The following PRR16 variants were observed in gnomAD, a reference collection of about 807,000 sequenced individuals.
The protein encoded by PRR16 is protein Largen.
Under a neutral mutation model 18.2 loss-of-function variants are expected in PRR16, and 6 were observed. The ratio of observed to expected loss-of-function variants is 0.33; its 90% confidence interval spans 0.18 to 0.65. PRR16 has a LOEUF of 0.65. Among genes scored for constraint, PRR16 ranks in the 30% least tolerant of loss-of-function variants. The pLI, the probability that PRR16 is intolerant of heterozygous loss-of-function variation, is 0.74. For synonymous variants in PRR16, 151 were observed against 147.8 expected (o/e 1.02, Z -0.16); for missense variants, 412 against 376.6 (o/e 1.09, Z -0.78).
In PRR16 at chr5:120,575,209, A is replaced by G. The variant is rs184757022; in HGVS notation, c.159+110564A>G. On this transcript the variant is annotated intron_variant, in intron 1 of 1. Coordinates refer to ENST00000407149, the MANE Select transcript of PRR16 (RefSeq NM_001300783.2). ...CCATTGGGGATCTTGGAACATGGAT[A>G]AATGAGGACTGATGTATTTACCAGA... is the stretch of plus-strand genomic sequence containing the variant. Among the ~76,000 whole-genome samples the G allele has an allele frequency of 3.7e-4, 56 of 152,208 alleles. 1 individual carries two copies. In the East Asian group the frequency reaches 9.7e-3, roughly 26 times the overall value.
intron 1 of PRR16, among the ~76,000 whole-genome samples, chr5:120,486,933 G>A (rs1749823153): frequency 6.6e-6 from 1 of 152,142 alleles, no homozygotes; most frequent in Non-Finnish European, 1.5e-5. Context: ...TTTTTGTCAG[G>A]TTTGTCAAAG....
At chr5:120,573,919 C>A (rs930958582) in intron 1 of PRR16, among the ~76,000 whole-genome samples, 4 of 136,372 alleles carry the variant, frequency 2.9e-5, no homozygotes, top group Non-Finnish European at 6.5e-5. Flanking sequence ...ATATATATAT[C>A]AAACACCATT....
intron 1 of PRR16, among the ~76,000 whole-genome samples, chr5:120,538,316 C>T (rs904776646): frequency 6.6e-6 from 1 of 152,164 alleles, no homozygotes; most frequent in African/African-American, 2.4e-5. Context: ...TTAAGGGAAG[C>T]TCTTGAGAAA....
At chr5:120,568,706 T>TAATAA in intron 1 of PRR16, among the ~76,000 whole-genome samples, 1 of 152,184 alleles carries the variant, frequency 6.6e-6, no homozygotes, top group Non-Finnish European at 1.5e-5. Context: ...TACACATTCT[T>TAATAA]TGGTAATTAT....
the PRR16 span, among the ~76,000 whole-genome samples, chr5:120,783,201 C>CACATT: frequency 6.6e-6 from 1 of 152,176 alleles, no homozygotes; most frequent in Non-Finnish European, 1.5e-5. Flanking sequence ...TCATTTTCTT[C>CACATT]ACATTACAAT....
At chr5:120,577,500 T>G (rs1315661456) in intron 1 of PRR16, among the ~76,000 whole-genome samples, 1 of 151,940 alleles carries the variant, frequency 6.6e-6, no homozygotes, top group Non-Finnish European at 1.5e-5. Context: ...GATTTCTTCT[T>G]TTTTGTAACA....
chr5:120,784,828 CTCTCT>C, the PRR16 span, among the ~76,000 whole-genome samples: 1 of 152,120 alleles, frequency 6.6e-6, no homozygotes, highest in Admixed American at 6.5e-5. Flanking sequence ...ATTCAAAATT[CTCTCT>C]TCTCTTAGAA....
At chr5:120,683,442 C>T (rs1276259376) in intron 1 of PRR16, among the ~76,000 whole-genome samples, 2 of 145,290 alleles carry the variant, frequency 1.4e-5, no homozygotes, top group Admixed American at 7.1e-5. Context: ...ATGGAGGTTG[C>T]GGTGAGCTGA....
At chr5:120,711,626 T>A in the PRR16 span, among the ~76,000 whole-genome samples, 2 of 152,198 alleles carry the variant, frequency 1.3e-5, no homozygotes, top group East Asian at 3.9e-4. Flanking sequence ...TATAGATACA[T>A]CTCTCTTGGA....
At chr5:120,647,852 G>A (rs1755649631) in intron 1 of PRR16, among the ~76,000 whole-genome samples, 2 of 152,022 alleles carry the variant, frequency 1.3e-5, no homozygotes, top group Admixed American at 1.3e-4. Flanking sequence ...AAAACTGCCA[G>A]TTTACATAAT....
At chr5:120,486,506 C>T (rs9687538) in intron 1 of PRR16, among the ~76,000 whole-genome samples, 41,645 of 150,802 alleles carry the variant, frequency 0.28, 6,773 homozygotes, top group African/African-American at 0.45. Flanking sequence ...TGTTTTTTTC[C>T]TGTAAATTTG....
At chr5:120,714,602 C>G in the PRR16 span, among the ~76,000 whole-genome samples, 1 of 151,894 alleles carries the variant, frequency 6.6e-6, no homozygotes, top group Admixed American at 6.6e-5. Context: ...GATCTAGAAC[C>G]AAAAAATGCT....
chr5:120,464,904 G>A (rs1256272561), intron 1 of PRR16, among the ~76,000 whole-genome samples: 1 of 152,052 alleles, frequency 6.6e-6, no homozygotes, highest in African/African-American at 2.4e-5. Flanking sequence ...GAACGCACGC[G>A]TGTCTCTGAA....
intron 1 of PRR16, among the ~76,000 whole-genome samples, chr5:120,547,200 T>TATGC (rs1752101302): frequency 6.6e-6 from 1 of 152,026 alleles, no homozygotes; most frequent in South Asian, 2.1e-4. Context: ...CCTACTCCAA[T>TATGC]TAGCATGCTC....
At chr5:120,495,583 T>C (rs1215489014) in intron 1 of PRR16, among the ~76,000 whole-genome samples, 1 of 152,138 alleles carries the variant, frequency 6.6e-6, no homozygotes, top group Non-Finnish European at 1.5e-5. Context: ...TCCATAAATA[T>C]TTTCCATTCA....
At chr5:120,738,268 T>C in the PRR16 span, among the ~76,000 whole-genome samples, 1 of 152,128 alleles carries the variant, frequency 6.6e-6, no homozygotes, top group Non-Finnish European at 1.5e-5. Context: ...TGTAAGCTAA[T>C]CTTCTCTTTG....
At chr5:120,507,228 C>G (rs1750675587) in intron 1 of PRR16, among the ~76,000 whole-genome samples, 1 of 152,088 alleles carries the variant, frequency 6.6e-6, no homozygotes, top group African/African-American at 2.4e-5. Flanking sequence ...TAATACCTTG[C>G]ATCTACAATA....
chr5:120,521,605 T>A (rs2112652798), intron 1 of PRR16, among the ~76,000 whole-genome samples: 1 of 152,286 alleles, frequency 6.6e-6, no homozygotes, highest in African/African-American at 2.4e-5. Flanking sequence ...ATCAGGGTAA[T>A]TATCATATGT....
chr5:120,518,646 T>C (rs1751075265), intron 1 of PRR16, among the ~76,000 whole-genome samples: 1 of 152,078 alleles, frequency 6.6e-6, no homozygotes, highest in Non-Finnish European at 1.5e-5. Flanking sequence ...TTCCTGGACA[T>C]GTGGCCTTCT....
Sources: gnomAD v4.1 joint callset for allele counts (sites outside exome capture counted in the v4.1 genomes callset) on GRCh38, gnomAD v4.1.1 for gene constraint, MANE v1.5 for transcripts, NCBI Gene and HGNC (gene_info 2026-07-23, HGNC 2026-07-21) for gene names.